ZMYM2: variants seen among roughly 807,000 people sequenced by gnomAD.
The protein encoded by ZMYM2 is zinc finger MYM-type protein 2.
Under a neutral mutation model 162.8 loss-of-function variants are expected in ZMYM2, and 56 were observed. That is an observed-to-expected ratio of 0.34 (90% CI 0.28 to 0.43). ZMYM2 has a LOEUF of 0.43. Ranked by LOEUF, ZMYM2 falls within the 20% of genes least tolerant of loss-of-function variation. The probability of loss-of-function intolerance (pLI) is 1.00; values close to 1 mark genes in which losing one functional copy is unlikely to be tolerated. For missense variants in ZMYM2, 1,275 were observed against 1,621.8 expected, an observed-to-expected ratio of 0.79 and a Z score of 3.67; for synonymous variants, 510 against 541.6, an observed-to-expected ratio of 0.94 and a Z score of 0.81.
the ZMYM2 span, among the ~76,000 whole-genome samples, chr13:19,922,776 A>G: frequency 4.9e-3 from 742 of 151,988 alleles, 6 homozygotes; most frequent in African/African-American, 0.017. Flanking sequence ...CCCGGGAGGC[A>G]GAGCTTACAG....
chr13:20,042,281 T>C (rs1191558602), intron 12 of ZMYM2, among the ~76,000 whole-genome samples: 1 of 152,176 alleles, frequency 6.6e-6, no homozygotes, highest in East Asian at 1.9e-4. Context: ...CTCTGTATTC[T>C]TGTCTGTCTT....
In ZMYM2 at chr13:20,006,565, T is replaced by G; in HGVS notation, c.1491T>G (p.Ser497Arg). Residue 497 changes from serine (S) to arginine (R), a missense_variant, in exon 6 of 25, where the codon AGT becomes AGG. Physicochemically the swap from Ser to Arg is moderately radical, Grantham distance 110. Around this residue, in one of 10 missense-constraint regions of ZMYM2, gnomAD observed 276 missense variants for 311.8 expected, o/e 0.89. Coordinates refer to ENST00000610343, the MANE Select transcript of ZMYM2 (RefSeq NM_197968.4). Reference sequence around the variant, plus strand: ...AACAGAAAAGATTTTGCTGTCAAAGTTGTGTCAGTGAATACAAACAGGTAA... The same window carrying G: ...AACAGAAAAGATTTTGCTGTCAAAGGTGTGTCAGTGAATACAAACAGGTAA... ...DGQQKRFCCQ[S>R]CVSEYKQVGS... 6.2e-7 allele frequency: 1 copy of G among 1,613,884 alleles called. No homozygotes were observed. Among genetic ancestry groups the G allele is most frequent in the Non-Finnish European group, 8.5e-7 (1 of 1,179,842 alleles).
chr13:19,930,074 A>G, the ZMYM2 span, among the ~76,000 whole-genome samples: 2 of 152,160 alleles, frequency 1.3e-5, no homozygotes, highest in African/African-American at 4.8e-5. Flanking sequence ...CCTGGGCAAC[A>G]TGGCAAGACC....
At chr13:19,866,169 C>G in the ZMYM2 span, among the ~76,000 whole-genome samples, 3 of 151,626 alleles carry the variant, frequency 2.0e-5, no homozygotes, top group Non-Finnish European at 4.4e-5. Context: ...TTGCAGTGAG[C>G]CGAGACTGCA....
chr13:20,071,216 G>T (rs979896006), intron 21 of ZMYM2, among the ~76,000 whole-genome samples: 9 of 152,136 alleles, frequency 5.9e-5, no homozygotes, highest in African/African-American at 2.2e-4. Context: ...GGCATTACAG[G>T]TGCCCACCAT....
intron 2 of ZMYM2, among the ~76,000 whole-genome samples, chr13:19,960,730 T>C (rs2139040160): frequency 6.6e-6 from 1 of 152,370 alleles, no homozygotes; most frequent in Middle Eastern, 3.4e-3. Context: ...GGCAACTATG[T>C]AATGTGCTAG....
chr13:20,006,702 C>G lies in ZMYM2; in HGVS notation c.1512+116C>G, dbSNP rs948761957. 3.4e-5 allele frequency: 37 copies of G among 1,077,552 alleles called. No individual in the cohort carries two copies. The Admixed American group carries it at 3.8e-4, about 11-fold the overall frequency. 66.7% of individuals were successfully genotyped at this position (1,077,552 alleles called of 1,614,324 possible). On this transcript the variant is annotated intron_variant, in intron 6 of 24. Coordinates refer to ENST00000610343, the MANE Select transcript of ZMYM2 (RefSeq NM_197968.4). Reference sequence around the variant, plus strand: ...CTTTATCTTAGAATTTCATTTAATTCCATTATTGTTGTCATATCATGGAGC... The same window carrying G: ...CTTTATCTTAGAATTTCATTTAATTGCATTATTGTTGTCATATCATGGAGC...
the ZMYM2 span, among the ~76,000 whole-genome samples, chr13:19,891,486 A>G: frequency 0.019 from 2,880 of 151,294 alleles, 45 homozygotes; most frequent in Middle Eastern, 0.038. Context: ...AGAAAAGGAT[A>G]TAACCCTAAC....
chr13:19,895,875 T>C, the ZMYM2 span, among the ~76,000 whole-genome samples: 2 of 151,716 alleles, frequency 1.3e-5, no homozygotes, highest in African/African-American at 2.4e-5. Flanking sequence ...CAAGTGTAAA[T>C]TGATTAATTA....
In ZMYM2 at chr13:20,019,624, C is replaced by G; in HGVS notation, c.1584+6C>G. Reference sequence around the variant, plus strand: ...CTTTCTTAATGCAGCCTGAGGTAAGCAGGAATGTAAATGGAGTTCAAGGCC... The same window carrying G: ...CTTTCTTAATGCAGCCTGAGGTAAGGAGGAATGTAAATGGAGTTCAAGGCC... On this transcript the variant is annotated splice_donor_region_variant and intron_variant, in intron 7 of 24. Transcript: ENST00000610343. The G allele has an allele frequency of 6.3e-7, 1 of 1,587,020 alleles. No individual in the cohort carries two copies. The highest frequency in any genetic ancestry group is 1.8e-5 in the Admixed American group (1 of 56,098).
At chr13:19,955,687 T>G (rs1954493422), upstream of ZMYM2, among the ~76,000 whole-genome samples, 1 of 152,148 alleles carries the variant, frequency 6.6e-6, no homozygotes, top group Admixed American at 6.5e-5. Context: ...AGTGGTGCGC[T>G]CTCGGCTCAC....
the ZMYM2 span, among the ~76,000 whole-genome samples, chr13:19,917,176 A>C: frequency 2.6e-5 from 4 of 152,120 alleles, no homozygotes; most frequent in East Asian, 3.9e-4. Flanking sequence ...GTTAGCCAGG[A>C]TGGTCTCAAT....
intron 17 of ZMYM2, among the ~76,000 whole-genome samples, chr13:20,062,203 C>A (rs1445070472): frequency 6.6e-6 from 1 of 152,138 alleles, no homozygotes; most frequent in Admixed American, 6.5e-5. Context: ...GGGTTGCAAC[C>A]AGTGTTTTTG....
intron 3 of ZMYM2, among the ~76,000 whole-genome samples, chr13:19,998,790 T>C (rs1451317942): frequency 6.6e-6 from 1 of 152,186 alleles, no homozygotes; most frequent in Non-Finnish European, 1.5e-5. Flanking sequence ...AATCATCCTT[T>C]TTAAAGTTTT....
chr13:19,903,828 G>GAC, the ZMYM2 span, among the ~76,000 whole-genome samples: 1 of 151,546 alleles, frequency 6.6e-6, no homozygotes, highest in South Asian at 2.1e-4. Flanking sequence ...CAGCCTGGGT[G>GAC]AGAGTGAGAC....
chr13:20,056,010 T>C (rs1955768545), intron 14 of ZMYM2, among the ~76,000 whole-genome samples: 1 of 152,184 alleles, frequency 6.6e-6, no homozygotes, highest in Non-Finnish European at 1.5e-5. Context: ...GAAAAGGTTA[T>C]ATGGAAGAGC....
At chr13:20,068,488 T>C (rs957375396) in intron 21 of ZMYM2, 1 of 156,180 alleles carries the variant, frequency 6.4e-6, no homozygotes, top group Non-Finnish European at 1.4e-5. Flanking sequence ...ACTCTAGGAA[T>C]ATTAATGTAT....
intron 2 of ZMYM2, among the ~76,000 whole-genome samples, chr13:19,966,593 C>T (rs954832631): frequency 6.6e-6 from 1 of 151,836 alleles, no homozygotes; most frequent in African/African-American, 2.4e-5. Context: ...AGGCATGTGC[C>T]ACCACGCCGG....
In ZMYM2 at chr13:19,986,632, A is replaced by G. The variant is rs187287369; in HGVS notation, c.-10-6431A>G. ...AAGTTTTAAAAATTGAAATATACTG[A>G]ATAACATTTTCATTCAAAATTGTCA... On this transcript the variant is annotated intron_variant, in intron 2 of 24. Transcript: ENST00000610343. Among the ~76,000 whole-genome samples the G allele has an allele frequency of 1.1e-3, 167 of 152,298 alleles. 1 individual carries two copies. Among genetic ancestry groups the G allele is most frequent in the African/African-American group, 3.9e-3 (162 of 41,576 alleles).
Sources: gnomAD v4.1 joint callset for allele counts (sites outside exome capture counted in the v4.1 genomes callset) on GRCh38, gnomAD v4.1.1 for gene constraint, gnomAD v4.1.1 regional missense constraint, MANE v1.5 for transcripts, NCBI Gene and HGNC (gene_info 2026-07-23, HGNC 2026-07-21) for gene names.